The following KLF3 variants were observed in gnomAD, a reference collection of about 807,000 sequenced individuals.
The protein encoded by KLF3 is KLF transcription factor 3, also known as Krueppel-like factor 3.
KLF3 carries 6 observed loss-of-function variants against 32.7 expected under a neutral mutation model. That is an observed-to-expected ratio of 0.18 (90% CI 0.10 to 0.36). The LOEUF is 0.36. KLF3 is among the 10% of genes least tolerant of loss of function. The pLI, the probability that KLF3 is intolerant of heterozygous loss-of-function variation, is 1.00. For synonymous variants in KLF3, 145 were observed against 172.8 expected (o/e 0.84, Z 1.26); for missense variants, 338 against 449.7 (o/e 0.75, Z 2.25).
At chr4:38,676,285 A>G (rs1201962031) in intron 1 of KLF3, among the ~76,000 whole-genome samples, 1 of 152,124 alleles carries the variant, frequency 6.6e-6, no homozygotes, top group African/African-American at 2.4e-5. Context: ...TACTAAAAGT[A>G]TAAAACTAAG....
chr4:38,697,181 C>T lies in KLF3; in HGVS notation c.956C>T (p.Pro319Leu). ...RHFRKHTGIK[P>L]FQCPDCDRSF... is the part of the protein sequence containing the mutation. ...TTCCGAAAACATACTGGAATCAAAC[C>T]TTTCCAGTGCCCGGACTGTGACCGC... Residue 319 changes from proline to leucine, a missense_variant, in exon 6 of 6, where the codon CCT becomes CTT. Coordinates refer to ENST00000261438, the MANE Select transcript of KLF3 (RefSeq NM_016531.6). 1 of 1,614,056 alleles carries T rather than the reference C, an allele frequency of 6.2e-7. No individual in the cohort carries two copies.
chr4:38,681,225 A>G (rs1322988297), intron 2 of KLF3, among the ~76,000 whole-genome samples: 1 of 152,180 alleles, frequency 6.6e-6, no homozygotes, highest in African/African-American at 2.4e-5. Context: ...CTAAGATATG[A>G]TCAGCATAGA....
At chr4:38,693,380 C>T (rs895439773) in intron 4 of KLF3, among the ~76,000 whole-genome samples, 1 of 150,846 alleles carries the variant, frequency 6.6e-6, no homozygotes, top group Non-Finnish European at 1.5e-5. Flanking sequence ...AGTAAGGTCA[C>T]TTAAGAAACA....
chr4:38,670,759 A>T (rs2109237788), intron 1 of KLF3, among the ~76,000 whole-genome samples: 1 of 152,376 alleles, frequency 6.6e-6, no homozygotes, highest in African/African-American at 2.4e-5. Flanking sequence ...CAGAGTTTCC[A>T]TGTAGGACAC....
rs144973723 is a variant in KLF3, at chr4:38,666,184, C to G, written c.-40+1723C>G. 5.0e-3 allele frequency among the ~76,000 whole-genome samples: 767 copies of G among 152,192 alleles called. 5 individuals are homozygous for G. Among genetic ancestry groups the G allele is most frequent in the Middle Eastern group, 0.014 (4 of 294 alleles). On this transcript the variant is annotated intron_variant, in intron 1 of 5. Coordinates refer to ENST00000261438, the MANE Select transcript of KLF3 (RefSeq NM_016531.6). ...TACATTGTAAAGAACATTTAGCTTG[C>G]ATGAAAGGGAATGCAAGTACAAAAA... is the stretch of plus-strand genomic sequence containing the variant.
intron 1 of KLF3, among the ~76,000 whole-genome samples, chr4:38,672,438 C>T (rs1434818716): frequency 1.3e-5 from 2 of 152,086 alleles, no homozygotes; most frequent in African/African-American, 4.8e-5. Context: ...GCCTTGGATC[C>T]CCCAGGGAGC....
intron 1 of KLF3, among the ~76,000 whole-genome samples, chr4:38,672,484 G>T (rs1305928138): frequency 6.6e-6 from 1 of 152,218 alleles, no homozygotes; most frequent in African/African-American, 2.4e-5. Context: ...AGGGCCTTGA[G>T]CTGGTCTTTG....
chr4:38,697,119 A>G lies in KLF3; in HGVS notation c.894A>G (p.Thr298=), dbSNP rs569719212. The change falls in exon 6 of 6, where the codon ACA becomes ACG. Residue 298 remains threonine (T), a synonymous_variant. Coordinates refer to ENST00000261438, the MANE Select transcript of KLF3 (RefSeq NM_016531.6). ...KPYKCTWEGC[T]WKFARSDELT... is the part of the protein sequence containing the mutation. ...ACAAATGTACATGGGAAGGGTGCAC[A>G]TGGAAGTTTGCTCGGTCTGATGAAC... 3.2e-4 allele frequency: 509 copies of G among 1,613,810 alleles called. 9 individuals carry two copies. The South Asian group carries it at 5.2e-3, about 17-fold the overall frequency.
chr4:38,690,094 A>G, intron 4 of KLF3: 2 of 435,114 alleles, frequency 4.6e-6, no homozygotes, highest in African/African-American at 2.0e-5. Flanking sequence ...CAAAAGTTAC[A>G]TCAAGTTTTC....
At chr4:38,668,903 A>G (rs914790638) in intron 1 of KLF3, among the ~76,000 whole-genome samples, 5 of 152,210 alleles carry the variant, frequency 3.3e-5, no homozygotes, top group Admixed American at 3.3e-4. Flanking sequence ...ATCCTATCTT[A>G]TAGTTGCTAT....
chr4:38,689,868 A>G lies in KLF3; in HGVS notation c.684A>G (p.Ala228=), dbSNP rs140727500. The change falls in exon 4 of 6, where the codon GCA becomes GCG. Residue 228 remains alanine (A), a synonymous_variant. Transcript: ENST00000261438. ...TGAACTCAGTGTCCCCCCCGCAAGC[A>G]TTGTTGCAAGAGTAAGTATATTTAG... ...PLMNSVSPPQ[A]LLQENHPSVI... is the part of the protein sequence containing the mutation. 18 of 1,329,156 alleles carry G rather than the reference A, an allele frequency of 1.4e-5. No homozygotes were observed. In the African/African-American group the frequency reaches 2.2e-4, roughly 16 times the overall value. The allele number at this position is 1,329,156 out of a possible 1,614,324, so 82.3% of individuals were successfully genotyped here.
intron 4 of KLF3, chr4:38,690,096 C>A: frequency 2.3e-6 from 1 of 437,096 alleles, no homozygotes; most frequent in Non-Finnish European, 4.0e-6. Flanking sequence ...AAAGTTACAT[C>A]AAGTTTTCAT....
intron 2 of KLF3, among the ~76,000 whole-genome samples, chr4:38,685,200 A>G (rs1722654898): frequency 6.6e-6 from 1 of 152,184 alleles, no homozygotes; most frequent in Non-Finnish European, 1.5e-5. Flanking sequence ...ACACGGCACC[A>G]GATTGTTGGA....
rs761105610 is a variant in KLF3 at position 38,694,757 on chromosome 4, C to T, written c.707C>T (p.Ser236Leu). The T allele has an allele frequency of 8.3e-6, 13 of 1,565,934 alleles. No individual in the cohort carries two copies. The highest frequency in any genetic ancestry group is 2.4e-5 in the South Asian group (2 of 81,900). The change falls in exon 5 of 6, where the codon TCG becomes TTG. Residue 236 changes from serine to leucine, a missense_variant. Coordinates refer to ENST00000261438, the MANE Select transcript of KLF3 (RefSeq NM_016531.6). Reference sequence around the variant, plus strand: ...CTTGGCTTTCACAGGAATCACCCTTCGGTCATCGTGCAGCCTGGGAAGAGA... The same window carrying T: ...CTTGGCTTTCACAGGAATCACCCTTTGGTCATCGTGCAGCCTGGGAAGAGA... ...PQALLQENHPSVIVQPGKRPL... is the reference protein window; with the variant it reads ...PQALLQENHPLVIVQPGKRPL...
chr4:38,689,914 G>C, intron 4 of KLF3, 35 bp downstream of exon 4: 1 of 1,580,246 alleles, frequency 6.3e-7, no homozygotes, highest in South Asian at 1.2e-5. Flanking sequence ...CATTTGCATA[G>C]TAGTGTGCAT....
At chr4:38,691,825 A>G (rs1722886835) in intron 4 of KLF3, among the ~76,000 whole-genome samples, 1 of 152,234 alleles carries the variant, frequency 6.6e-6, no homozygotes, top group Non-Finnish European at 1.5e-5. Flanking sequence ...GAGTATGCCC[A>G]GTAGCAGCCC....
rs574783243 is a variant in KLF3 at position 38,697,447 on chromosome 4, C to G, written c.*184C>G. The G allele has an allele frequency of 3.6e-4, 185 of 509,034 alleles. No homozygotes were observed. The highest frequency in any genetic ancestry group is 3.0e-3 in the African/African-American group (157 of 51,542). 31.5% of individuals were successfully genotyped at this position (509,034 alleles called of 1,614,324 possible). A position where few individuals can be genotyped will look rare whatever the true frequency, so the allele number is the denominator to read the frequency against. On this transcript the variant is annotated 3_prime_UTR_variant, in exon 6 of 6. Coordinates refer to ENST00000261438, the MANE Select transcript of KLF3 (RefSeq NM_016531.6). ...TAGTAGATGTTCTCTAATCCTCCCT[C>G]TCCTTACCACGGGTCAGACCTAAAG...
At chr4:38,679,680 G>A (rs1722457700) in intron 1 of KLF3, among the ~76,000 whole-genome samples, 1 of 152,158 alleles carries the variant, frequency 6.6e-6, no homozygotes, top group Admixed American at 6.5e-5. Flanking sequence ...ACAGTGGCAC[G>A]GGGGATTTGA....
chr4:38,698,089 C>G lies in KLF3; in HGVS notation c.*826C>G, dbSNP rs541487048. The G allele has an allele frequency of 6.6e-6, 1 of 152,226 alleles. No individual in the cohort carries two copies. Among genetic ancestry groups the G allele is most frequent in the South Asian group, 2.1e-4 (1 of 4,822 alleles). 9.4% of individuals were successfully genotyped at this position (152,226 alleles called of 1,614,324 possible). A position where few individuals can be genotyped will look rare whatever the true frequency, so the allele number is the denominator to read the frequency against. On this transcript the variant is annotated 3_prime_UTR_variant, in exon 6 of 6. Coordinates refer to ENST00000261438, the MANE Select transcript of KLF3 (RefSeq NM_016531.6). The stretch of plus-strand genomic sequence containing the variant: ...TGCAGCATTCCCAGAGCTTCAGTCT[C>G]TGTGCATACTCAGCTTTGTAGAACC...
Sources: gnomAD v4.1 joint callset for allele counts (sites outside exome capture counted in the v4.1 genomes callset) on GRCh38, gnomAD v4.1.1 for gene constraint, MANE v1.5 for transcripts, NCBI Gene and HGNC (gene_info 2026-07-23, HGNC 2026-07-21) for gene names.